The following ETS2 variants were observed in gnomAD, a reference collection of about 807,000 sequenced individuals.
The protein encoded by ETS2 is protein C-ets-2.
Under a neutral mutation model 54.9 loss-of-function variants are expected in ETS2, and 19 were observed. The ratio of observed to expected loss-of-function variants is 0.35; its 90% CI spans 0.24 to 0.51. The LOEUF (loss-of-function observed/expected upper bound fraction) is 0.51. Ranked by LOEUF, ETS2 falls within the 20% of genes least tolerant of loss-of-function variation. The pLI, the probability that ETS2 is intolerant of heterozygous loss-of-function variation, is 0.97. For synonymous variants in ETS2, 219 were observed against 229.3 expected (o/e 0.95, Z 0.41); for missense variants, 417 against 593.0 (o/e 0.70, Z 3.08).
intron 9 of ETS2, 21 bp from the exon 10 acceptor site, chr21:38,822,653 T>C: frequency 6.3e-7 from 1 of 1,597,342 alleles, no homozygotes; most frequent in Non-Finnish European, 8.6e-7. Context: ...TTTAACTCTT[T>C]TCCATCCATG....
Position 38,823,593 on chromosome 21 carries a change from TG to T in ETS2, c.*710del, listed in dbSNP as rs934343681. The T allele has an allele frequency of 9.9e-5, 15 of 151,454 alleles. No homozygotes were observed. The highest frequency in any genetic ancestry group is 4.4e-5 in the Non-Finnish European group (3 of 67,860). 9.4% of individuals were successfully genotyped at this position (151,454 alleles called of 1,614,324 possible). On this transcript the variant is annotated 3_prime_UTR_variant, in exon 10 of 10. Transcript: ENST00000360938. ...AATAGACTTACAGGGATAAGGCCTG[TG>T]GGGGGTAATCCCTGCTTTTTGTGTT...
chr21:38,805,825 C>A, upstream of ETS2: 1 of 996,354 alleles, frequency 1.0e-6, no homozygotes, highest in Non-Finnish European at 1.3e-6. This position sits in a 1 kb window ranked among gnomAD's most constrained non-coding sequence, Gnocchi z 5.2. Flanking sequence ...CTCTTCTCTC[C>A]TCCCTCGTTT....
In ETS2 at chr21:38,821,421, A is replaced by G. The variant is rs1286148471; in HGVS notation, c.1076-165A>G. 6.6e-6 allele frequency among the ~76,000 whole-genome samples: 1 copy of G among 152,234 alleles called. No individual in the cohort carries two copies. Among genetic ancestry groups the G allele is most frequent in the Non-Finnish European group, 1.5e-5 (1 of 68,044 alleles). ...GCCCCATCCCGTTAAAGCACTTAGT[A>G]CTGTCACCAACACCTTGAGTGCCAC... On this transcript the variant is annotated intron_variant, in intron 8 of 9. Coordinates refer to ENST00000360938, the MANE Select transcript of ETS2 (RefSeq NM_005239.6). The surrounding 1 kb of genome is among the most constrained non-coding windows in gnomAD (Gnocchi z 4.2).
intron 7 of ETS2, 28 bp downstream of exon 7, chr21:38,818,674 G>A (rs1310326632): frequency 5.0e-6 from 8 of 1,612,624 alleles, no homozygotes. Context: ...TTTCAACAAG[G>A]CTGTTGCTTT....
rs1054726244 is a variant in ETS2, at chr21:38,821,333, C to T, written c.1076-253C>T. Among the ~76,000 whole-genome samples, 2 of 152,052 alleles carry T rather than the reference C, an allele frequency of 1.3e-5. No individual in the cohort carries two copies. The highest frequency in any genetic ancestry group is 6.5e-5 in the Admixed American group (1 of 15,278). ...CTAGCAATCAAGGGGAAGAGTGTCT[C>T]GCCTAGTGACCTTATTTTCTAGGAG... On this transcript the variant is annotated intron_variant, in intron 8 of 9. Transcript: ENST00000360938. This position sits in a 1 kb window ranked among gnomAD's most constrained non-coding sequence, Gnocchi z 4.2.
At chr21:38,805,796 C>T (rs1601422411), upstream of ETS2, 2 of 837,338 alleles carry the variant, frequency 2.4e-6, no homozygotes, top group Non-Finnish European at 3.2e-6. This position sits in a 1 kb window ranked among gnomAD's most constrained non-coding sequence, Gnocchi z 5.2. Context: ...CTTCTCTCTC[C>T]TCCCCTTCCC....
In ETS2 at chr21:38,806,486, A is replaced by T. The variant is rs1026139140; in HGVS notation, c.-1+366A>T. 2 of 985,344 alleles carry T rather than the reference A, an allele frequency of 2.0e-6. No individual in the cohort carries two copies. The highest frequency in any genetic ancestry group is 2.4e-6 in the Non-Finnish European group (2 of 829,954). The allele number at this position is 985,344 out of a possible 1,614,324, so 61.0% of individuals were successfully genotyped here. A position where few individuals can be genotyped will look rare whatever the true frequency, so the allele number is the denominator to read the frequency against. On this transcript the variant is annotated intron_variant, in intron 1 of 9. Transcript: ENST00000360938. The surrounding 1 kb of genome is among the most constrained non-coding windows in gnomAD (Gnocchi z 4.3). ...CCTGGTAGGGGGTCCTGCCCAGTGG[A>T]TGTCCCGGCGAACATGATTTCGCGA...
intron 2 of ETS2, among the ~76,000 whole-genome samples, chr21:38,811,031 A>G (rs2060911936): frequency 6.6e-6 from 1 of 152,230 alleles, no homozygotes; most frequent in East Asian, 1.9e-4. Context: ...AAATCATGGT[A>G]TTAAGTTGAA....
chr21:38,813,217 T>C, intron 3 of ETS2, 103 bp downstream of exon 3: 1 of 787,298 alleles, frequency 1.3e-6, no homozygotes, highest in Non-Finnish European at 2.2e-6. Context: ...GTATCTGGAA[T>C]CTTTGATATG....
intron 2 of ETS2, 148 bp from the exon 3 acceptor site, chr21:38,812,855 A>G: frequency 1.6e-6 from 1 of 616,660 alleles, no homozygotes; most frequent in Admixed American, 2.7e-5. Context: ...GTCTGTTTTA[A>G]GGACTGACTG....
intron 2 of ETS2, among the ~76,000 whole-genome samples, chr21:38,812,024 G>A (rs2060915692): frequency 6.6e-6 from 1 of 152,164 alleles, no homozygotes; most frequent in South Asian, 2.1e-4. Flanking sequence ...CCTGGGGGCG[G>A]GGAGGGGGTT....
chr21:38,808,179 C>T (rs563219593), intron 1 of ETS2, among the ~76,000 whole-genome samples: 1 of 152,264 alleles, frequency 6.6e-6, no homozygotes, highest in African/African-American at 2.4e-5. Flanking sequence ...CTATGTGGAT[C>T]CTGGGCAGAT....
rs766170197 is a variant in ETS2 at position 38,815,020 on chromosome 21, A to T, written c.505+39A>T. The T allele has an allele frequency of 2.0e-5, 32 of 1,597,388 alleles. No individual in the cohort carries two copies. In the South Asian group the frequency reaches 3.0e-4, roughly 15 times the overall value. On this transcript the variant is annotated intron_variant, in intron 5 of 9. Coordinates refer to ENST00000360938, the MANE Select transcript of ETS2 (RefSeq NM_005239.6). ...GTCTTACTTCTCCTTGTCCAGGATG[A>T]GCTGTGGCCGGGAAGACTGATTGGG...
Position 38,805,948 on chromosome 21 carries a change from T to C in ETS2, c.-173T>C, listed in dbSNP as rs1486729794. On this transcript the variant is annotated 5_prime_UTR_variant, in exon 1 of 10. Transcript: ENST00000360938. The surrounding 1 kb of genome is among the most constrained non-coding windows in gnomAD (Gnocchi z 5.2). ...CGGCCCGGTTACTTCCTCCAGAGAC[T>C]GACGAGTGCGGTGTCGCTCCAGCTC... 7.9e-7 allele frequency: 1 copy of C among 1,269,170 alleles called. No individual in the cohort carries two copies. The highest frequency in any genetic ancestry group is 1.6e-5 in the African/African-American group (1 of 63,152). 78.6% of individuals were successfully genotyped at this position (1,269,170 alleles called of 1,614,324 possible). A position where few individuals can be genotyped will look rare whatever the true frequency, so the allele number is the denominator to read the frequency against.
chr21:38,821,775 TCTTTGGG>T lies in ETS2; in HGVS notation c.1194+73_1194+79del. ...TCCTGCTTGCATTCAAAAACTCAGT[TCTTTGGG>T]CACAAAAAAGGGTTCACCAGTACTG... is the stretch of plus-strand genomic sequence containing the variant. On this transcript the variant is annotated intron_variant, in intron 9 of 9. Coordinates refer to ENST00000360938, the MANE Select transcript of ETS2 (RefSeq NM_005239.6). This position sits in a 1 kb window ranked among gnomAD's most constrained non-coding sequence, Gnocchi z 4.2. The T allele has an allele frequency of 3.6e-6, 4 of 1,110,166 alleles. No individual in the cohort carries two copies. The highest frequency in any genetic ancestry group is 3.5e-5 in the Admixed American group (2 of 57,116). 68.8% of individuals were successfully genotyped at this position (1,110,166 alleles called of 1,614,324 possible).
intron 6 of ETS2, among the ~76,000 whole-genome samples, chr21:38,817,537 G>A (rs1051849235): frequency 2.0e-5 from 3 of 152,230 alleles, no homozygotes; most frequent in Admixed American, 2.0e-4. Context: ...CTTAGAGCAA[G>A]GAGCAGAACG....
At position 38,823,654 on chromosome 21, in the gene ETS2, T is replaced by G. The variant is rs2060967542; in HGVS notation, c.*765T>G. The G allele has an allele frequency of 6.5e-6, 1 of 152,844 alleles. No homozygotes were observed. Among genetic ancestry groups the G allele is most frequent in the African/African-American group, 2.4e-5 (1 of 41,444 alleles). The allele number at this position is 152,844 out of a possible 1,614,324, so 9.5% of individuals were successfully genotyped here. A position where few individuals can be genotyped will look rare whatever the true frequency, so the allele number is the denominator to read the frequency against. On this transcript the variant is annotated 3_prime_UTR_variant, in exon 10 of 10. Coordinates refer to ENST00000360938, the MANE Select transcript of ETS2 (RefSeq NM_005239.6). ...GTTTGTTTGTTTGTTTTTGGGGGGT[T>G]TTCTTGCCTTGGTTGTCTGGCAAGG... is the stretch of plus-strand genomic sequence containing the variant.
Position 38,819,498 on chromosome 21 carries a change from G to T in ETS2, c.812-5G>T, listed in dbSNP as rs754979603. The stretch of plus-strand genomic sequence containing the variant: ...TCAAAGTATGTGTTTGGTTGTCTTT[G>T]CCAGGGACTCCCAAAGACCACGACT... On this transcript the variant is annotated splice_region_variant and splice_polypyrimidine_tract_variant and intron_variant, in intron 7 of 9. Transcript: ENST00000360938. The T allele has an allele frequency of 6.2e-7, 1 of 1,613,312 alleles. No homozygotes were observed. Among genetic ancestry groups the T allele is most frequent in the Non-Finnish European group, 8.5e-7 (1 of 1,179,318 alleles).
chr21:38,818,279 C>A, intron 6 of ETS2, 146 bp from the exon 7 acceptor site: 1 of 1,011,042 alleles, frequency 9.9e-7, no homozygotes, highest in Non-Finnish European at 1.5e-6. Flanking sequence ...GGCCTGGTGA[C>A]AGACCCCCAC....
Sources: allele counts gnomAD v4.1 joint callset (sites outside exome capture counted in the v4.1 genomes callset), GRCh38; gene constraint gnomAD v4.1.1; non-coding constraint Gnocchi (gnomAD v3.1); transcripts MANE v1.5; gene names NCBI Gene and HGNC (gene_info 2026-07-23, HGNC 2026-07-21).